SERAC1: variants seen among roughly 807,000 people sequenced by gnomAD.
SERAC1 encodes serine active site containing 1.
SERAC1 carries 36 observed loss-of-function variants against 85.7 expected under a neutral mutation model. That is an observed-to-expected ratio of 0.42 (90% CI 0.32 to 0.55). The LOEUF is 0.55. Ranked by LOEUF, SERAC1 falls within the 20% of genes least tolerant of loss-of-function variation. SERAC1 has a pLI of 0.11. For missense variants in SERAC1, 629 were observed against 796.2 expected (o/e 0.79, Z 2.53); for synonymous variants, 242 against 265.3 (o/e 0.91, Z 0.85).
In SERAC1 at chr6:158,143,305, GTCTCTC is replaced by G. The variant is rs753181670; in HGVS notation, c.610-127_610-122del. On this transcript the variant is annotated intron_variant, in intron 7 of 16. Coordinates refer to ENST00000647468, the MANE Select transcript of SERAC1 (RefSeq NM_032861.4). ...TCAAAGCCATATATTATGTGTGCAT[GTCTCTC>G]TCTCTCTCTCTCTCTCTCTCTCTCT... 1.5e-3 allele frequency: 911 copies of G among 606,014 alleles called. 2 individuals are homozygous for G. Among genetic ancestry groups the G allele is most frequent in the Admixed American group, 3.2e-3 (76 of 24,098 alleles). 37.5% of individuals were successfully genotyped at this position (606,014 alleles called of 1,614,324 possible).
intron 13 of SERAC1, 62 bp from the exon 14 acceptor site, chr6:158,116,344 A>G: frequency 7.3e-7 from 1 of 1,361,864 alleles, no homozygotes; most frequent in Non-Finnish European, 1.0e-6. Flanking sequence ...TTTGCTGTCT[A>G]ATTTTTAGAG....
intron 14 of SERAC1, among the ~76,000 whole-genome samples, chr6:158,115,844 G>A (rs747781759): frequency 6.6e-6 from 1 of 152,164 alleles, no homozygotes; most frequent in Non-Finnish European, 1.5e-5. Context: ...GGGCACCCCT[G>A]GGGCCACCCA....
chr6:158,116,443 CT>C (rs565527887), intron 13 of SERAC1, 161 bp from the exon 14 acceptor site: 40 of 595,828 alleles, frequency 6.7e-5, no homozygotes, highest in Middle Eastern at 4.5e-4. Context: ...TAAAATACCC[CT>C]ATTCTCTCTT....
At chr6:158,143,007 G>T (rs1292071733) in intron 8 of SERAC1, 49 bp downstream of exon 8, 1 of 1,462,012 alleles carries the variant, frequency 6.8e-7, no homozygotes, top group Non-Finnish European at 9.5e-7. Flanking sequence ...CAATACATTG[G>T]AAAGGGTGGA....
rs371108873 is a variant in SERAC1 at position 158,136,062 on chromosome 6, G to T, written c.739-5576C>A. 4.3e-4 allele frequency among the ~76,000 whole-genome samples: 66 copies of T among 152,116 alleles called. 1 individual carries two copies. The highest frequency in any genetic ancestry group is 4.3e-3 in the Admixed American group (66 of 15,272). ...CCTGACCTCATGATCCGCCTGCCTC[G>T]GTGTCCCAAAGTGCTGGAATTACAG... is the stretch of plus-strand genomic sequence containing the variant. On this transcript the variant is annotated intron_variant, in intron 8 of 16. Coordinates refer to ENST00000647468, the MANE Select transcript of SERAC1 (RefSeq NM_032861.4).
intron 16 of SERAC1, 171 bp downstream of exon 16, chr6:158,113,278 G>A: frequency 1.7e-6 from 1 of 584,782 alleles, no homozygotes; most frequent in Non-Finnish European, 3.0e-6. Flanking sequence ...CGGGTTATAT[G>A]TTTACAGAGA....
chr6:158,112,345 C>T (rs987342575), intron 16 of SERAC1: 2 of 152,334 alleles, frequency 1.3e-5, no homozygotes, highest in African/African-American at 4.8e-5. Context: ...CCCAGGAGTT[C>T]GAGGCTGCAA....
At chr6:158,159,940 A>C (rs76626958) in intron 1 of SERAC1, among the ~76,000 whole-genome samples, 5,570 of 152,342 alleles carry the variant, frequency 0.037, 326 homozygotes, top group African/African-American at 0.13. Context: ...GACATAGATT[A>C]TTTAAAATTG....
rs1376270147 is a variant in SERAC1, at chr6:158,110,433, G to A, written c.*933C>T. ...AATGAATTGTATAATTTAAAAGGGT[G>A]AATCTTATGGTATGTAAATTATATC... On this transcript the variant is annotated 3_prime_UTR_variant, in exon 17 of 17. Transcript: ENST00000647468. 1 of 152,042 alleles carries A rather than the reference G, an allele frequency of 6.6e-6. No homozygotes were observed. The highest frequency in any genetic ancestry group is 1.5e-5 in the Non-Finnish European group (1 of 68,008). 9.4% of individuals were successfully genotyped at this position (152,042 alleles called of 1,614,324 possible).
At chr6:158,161,999 C>T (rs1449761281) in intron 1 of SERAC1, 1 of 152,236 alleles carries the variant, frequency 6.6e-6, no homozygotes, top group African/African-American at 2.4e-5. Flanking sequence ...AGCTCTGGCC[C>T]ATGCTTTCAC....
intron 8 of SERAC1, among the ~76,000 whole-genome samples, chr6:158,138,564 G>A (rs994827208): frequency 1.3e-5 from 2 of 152,112 alleles, no homozygotes; most frequent in Non-Finnish European, 2.9e-5. Flanking sequence ...GTAACGTCAG[G>A]CCAGGTCTCA....
Position 158,128,170 on chromosome 6 carries a change from A to G in SERAC1, c.953T>C (p.Ile318Thr). Reference sequence around the variant, plus strand: ...AGCCATATTTCCAATGACACGCATTATATTTCTCTGTACTTTAGGGCAGTC... The same window carrying G: ...AGCCATATTTCCAATGACACGCATTGTATTTCTCTGTACTTTAGGGCAGTC... ...HKDCPKVQRN[I>T]MRVIGNMALN... Residue 318 changes from isoleucine (I) to threonine (T), a missense_variant, in exon 10 of 17, where the codon ATA becomes ACA. Transcript: ENST00000647468. 6.2e-7 allele frequency: 1 copy of G among 1,614,216 alleles called. No homozygotes were observed. Among genetic ancestry groups the G allele is most frequent in the Non-Finnish European group, 8.5e-7 (1 of 1,180,018 alleles).
At chr6:158,126,144 G>T (rs1289879912) in intron 10 of SERAC1, among the ~76,000 whole-genome samples, 2 of 152,068 alleles carry the variant, frequency 1.3e-5, no homozygotes, top group East Asian at 1.9e-4. Context: ...ATATATGTGT[G>T]TATGTATTAT....
At chr6:158,140,381 T>A (rs1302106317) in intron 8 of SERAC1, among the ~76,000 whole-genome samples, 2 of 151,930 alleles carry the variant, frequency 1.3e-5, no homozygotes, top group Non-Finnish European at 2.9e-5. Flanking sequence ...ACCATGAAAA[T>A]CTGAAGGACA....
chr6:158,160,693 T>G (rs1449793907), intron 1 of SERAC1, among the ~76,000 whole-genome samples: 5 of 152,228 alleles, frequency 3.3e-5, no homozygotes, highest in Non-Finnish European at 5.9e-5. Flanking sequence ...TGGCTTAAAG[T>G]TATACAATTT....
chr6:158,158,467 A>C, intron 1 of SERAC1, 103 bp from the exon 2 acceptor site: 1 of 796,020 alleles, frequency 1.3e-6, no homozygotes, highest in Non-Finnish European at 2.0e-6. Context: ...TGACCCACAG[A>C]GTTAGCTTTT....
In SERAC1 at chr6:158,146,612, T is replaced by C. The variant is rs183662413; in HGVS notation, c.487+170A>G. On this transcript the variant is annotated intron_variant, in intron 6 of 16. Transcript: ENST00000647468. ...TTTTAGTAGAGACGGGGTTTCACCA[T>C]GTTAGCCAGGGTGGGTCTTGAACTC... The C allele has an allele frequency of 5.1e-4, 332 of 650,052 alleles. 1 individual carries two copies. In the African/African-American group the frequency reaches 5.7e-3, roughly 11 times the overall value. 40.3% of individuals were successfully genotyped at this position (650,052 alleles called of 1,614,324 possible). A position where few individuals can be genotyped will look rare whatever the true frequency, so the allele number is the denominator to read the frequency against.
At chr6:158,155,894 C>T (rs1464701269) in intron 2 of SERAC1, among the ~76,000 whole-genome samples, 6 of 152,136 alleles carry the variant, frequency 3.9e-5, no homozygotes, top group African/African-American at 1.4e-4. Context: ...CCTGTAGTTC[C>T]AACACTTTGG....
rs529450477 is a variant in SERAC1, at chr6:158,136,439, G to A, written c.739-5953C>T. On this transcript the variant is annotated intron_variant, in intron 8 of 16. Coordinates refer to ENST00000647468, the MANE Select transcript of SERAC1 (RefSeq NM_032861.4). Reference sequence around the variant, plus strand: ...CCCTGTTCCAAAACCAAGCATTATCGTGTTGGCTGTATGCTGGGGCTGACA... The same window carrying A: ...CCCTGTTCCAAAACCAAGCATTATCATGTTGGCTGTATGCTGGGGCTGACA... Among the ~76,000 whole-genome samples the A allele has an allele frequency of 1.3e-3, 200 of 152,254 alleles. 1 individual carries two copies. Among genetic ancestry groups the A allele is most frequent in the African/African-American group, 4.6e-3 (191 of 41,542 alleles).
Sources: allele counts gnomAD v4.1 joint callset (sites outside exome capture counted in the v4.1 genomes callset), GRCh38; gene constraint gnomAD v4.1.1; transcripts MANE v1.5; gene names NCBI Gene and HGNC (gene_info 2026-07-23, HGNC 2026-07-21).